Variants in PKN3 observed in about 807,000 individuals in gnomAD.
PKN3 encodes the protein protein kinase N3.
Under a neutral mutation model 113.1 loss-of-function variants are expected in PKN3, and 91 were observed. The ratio of observed to expected loss-of-function variants is 0.80; its 90% CI spans 0.68 to 0.96. PKN3 has a LOEUF of 0.96. Among genes scored for constraint, PKN3 ranks in the 40% least tolerant of loss-of-function variants. PKN3 has a pLI of 0.00. For missense variants in PKN3, 1,052 were observed against 1,202.2 expected, an observed-to-expected ratio of 0.88 and a Z score of 1.85; for synonymous variants, 467 against 499.0, an observed-to-expected ratio of 0.94 and a Z score of 0.85.
At position 128,715,454 on chromosome 9, in the gene PKN3, TAGAG is replaced by T. The variant is rs748379167; in HGVS notation, c.1805_1808del (p.Glu602AlafsTer36). On this transcript the variant is annotated frameshift_variant and splice_region_variant, in exon 15 of 22. Transcript: ENST00000291906. LOFTEE classifies it high-confidence loss of function. This position sits in a 1 kb window ranked among gnomAD's most constrained non-coding sequence, Gnocchi z 4.1. The stretch of plus-strand genomic sequence containing the variant: ...CAGGAGGTGCTCAGCCGGGACGAGA[TAGAG>T]AGGTGTGTGGGGGTGCCGCAGGGCA... The T allele has an allele frequency of 3.1e-6, 5 of 1,613,096 alleles. No homozygotes were observed. The highest frequency in any genetic ancestry group is 1.7e-5 in the Admixed American group (1 of 59,994).
chr9:128,717,086 G>A (rs1862361031), intron 16 of PKN3, among the ~76,000 whole-genome samples, 163 bp downstream of exon 16: 1 of 132,304 alleles, frequency 7.6e-6, no homozygotes, highest in Admixed American at 8.8e-5. Context: ...GTGATCCTGG[G>A]TATCAGCTTA....
intron 6 of PKN3, among the ~76,000 whole-genome samples, chr9:128,709,250 C>T (rs1033387055): frequency 1.3e-5 from 2 of 149,946 alleles, no homozygotes; most frequent in African/African-American, 4.9e-5. Context: ...CGCACCACTG[C>T]ACTCCAGCCT....
chr9:128,709,472 C>T (rs1329764654), intron 6 of PKN3, among the ~76,000 whole-genome samples: 2 of 149,376 alleles, frequency 1.3e-5, no homozygotes, highest in Admixed American at 6.7e-5. Context: ...AAAAATTAGG[C>T]TGGGCACGGC....
chr9:128,707,513 C>A, intron 6 of PKN3, 108 bp downstream of exon 6: 1 of 904,606 alleles, frequency 1.1e-6, no homozygotes, highest in Non-Finnish European at 1.6e-6. Flanking sequence ...TGCCCCAGCA[C>A]CCACTAGCAG....
chr9:128,702,971 G>T (rs1861898450), intron 1 of PKN3, 32 bp downstream of exon 1: 1 of 1,370,582 alleles, frequency 7.3e-7, no homozygotes, highest in African/African-American at 1.5e-5. Flanking sequence ...CGCGGGCCCG[G>T]GGGGTGCGAG....
intron 16 of PKN3, among the ~76,000 whole-genome samples, chr9:128,717,279 C>T (rs1189744489): frequency 6.6e-6 from 1 of 150,540 alleles, no homozygotes; most frequent in Non-Finnish European, 1.5e-5. Context: ...CAGGCATGCA[C>T]CACCACTCCT....
chr9:128,705,555 G>C lies in PKN3; in HGVS notation c.265+12G>C, dbSNP rs1468713606. On this transcript the variant is annotated intron_variant, in intron 2 of 21. Transcript: ENST00000291906. ...GCCTGGCCCAGCTGGTGAGTGAGGA[G>C]CTGAGACCCCCTCAGGACAGAAGGC... 2.6e-6 allele frequency: 4 copies of C among 1,553,580 alleles called. No individual in the cohort carries two copies. The African/African-American group carries it at 5.5e-5, about 21-fold the overall frequency.
chr9:128,703,703 C>T (rs1861921885), intron 1 of PKN3: 1 of 985,264 alleles, frequency 1.0e-6, no homozygotes, highest in African/African-American at 1.7e-5. Flanking sequence ...CAACCCAGGG[C>T]AGACGGGACC....
chr9:128,706,008 A>T, intron 3 of PKN3, 129 bp downstream of exon 3: 1 of 962,410 alleles, frequency 1.0e-6, no homozygotes, highest in South Asian at 1.7e-5. Context: ...TACAGCCCCA[A>T]ACCCCAGCTG....
intron 15 of PKN3, among the ~76,000 whole-genome samples, chr9:128,716,304 A>G (rs1255044813): frequency 1.3e-5 from 2 of 151,710 alleles, no homozygotes; most frequent in Non-Finnish European, 2.9e-5. Flanking sequence ...TCTCAAAAAA[A>G]AAAAAAAAAA....
In PKN3 at chr9:128,714,333, A is replaced by G. The variant is rs1210339221; in HGVS notation, c.1449A>G (p.Thr483=). 2 of 1,606,694 alleles carry G rather than the reference A, an allele frequency of 1.2e-6. No homozygotes were observed. The highest frequency in any genetic ancestry group is 1.7e-4 in the Middle Eastern group (1 of 5,994). Reference sequence around the variant, plus strand: ...AAGGATGCCCTCGGACCCCAACAACACTGCGAGAGGCCTCTGACCCTGCCA... The same window carrying G: ...AAGGATGCCCTCGGACCCCAACAACGCTGCGAGAGGCCTCTGACCCTGCCA... The part of the protein sequence containing the change: ...PPKGCPRTPT[T]LREASDPATP... Residue 483 remains threonine (T), a synonymous_variant, in exon 11 of 22, where the codon ACA becomes ACG. Coordinates refer to ENST00000291906, the MANE Select transcript of PKN3 (RefSeq NM_013355.5).
At position 128,702,736 on chromosome 9, in the gene PKN3, G is replaced by T; in HGVS notation, c.-180G>T. The stretch of plus-strand genomic sequence containing the variant: ...GGCGTGGGGTCCCGGGCGCTGGATC[G>T]GCGCGGACGGGAGGCGGCGCTGGTC... On this transcript the variant is annotated 5_prime_UTR_variant, in exon 1 of 22. Transcript: ENST00000291906. 1.9e-6 allele frequency: 1 copy of T among 515,560 alleles called. No homozygotes were observed. The highest frequency in any genetic ancestry group is 2.7e-5 in the South Asian group (1 of 37,638). The allele number at this position is 515,560 out of a possible 1,614,324, so 31.9% of individuals were successfully genotyped here. A position where few individuals can be genotyped will look rare whatever the true frequency, so the allele number is the denominator to read the frequency against.
intron 17 of PKN3, 50 bp downstream of exon 17, chr9:128,718,437 G>T: frequency 6.5e-7 from 1 of 1,537,056 alleles, no homozygotes; most frequent in Non-Finnish European, 9.0e-7. Flanking sequence ...GGTGGGGGTG[G>T]AGTGGGTAAG....
At chr9:128,709,183 G>C (rs1331680416) in intron 6 of PKN3, among the ~76,000 whole-genome samples, 2 of 151,968 alleles carry the variant, frequency 1.3e-5, no homozygotes, top group African/African-American at 4.8e-5. Flanking sequence ...TACTCGGGAG[G>C]CTGAGGCAGG....
chr9:128,705,071 C>T (rs932214101), intron 1 of PKN3, among the ~76,000 whole-genome samples: 2 of 152,218 alleles, frequency 1.3e-5, no homozygotes, highest in African/African-American at 2.4e-5. Context: ...GTCCCCCCCG[C>T]CACATCCTTC....
At chr9:128,704,323 C>T (rs752756109) in intron 1 of PKN3, among the ~76,000 whole-genome samples, 1 of 152,168 alleles carries the variant, frequency 6.6e-6, no homozygotes, top group Non-Finnish European at 1.5e-5. Context: ...AGTGGGCACC[C>T]GGAGACCTCC....
Position 128,720,301 on chromosome 9 carries a change from C to A in PKN3, c.2457+18C>A. On this transcript the variant is annotated intron_variant, in intron 21 of 21. Transcript: ENST00000291906. This position sits in a 1 kb window ranked among gnomAD's most constrained non-coding sequence, Gnocchi z 5.5. The stretch of plus-strand genomic sequence containing the variant: ...TCTTCAGGGTGAGCGGCTGGGGTGG[C>A]GGTGGTCCCCTGTGCCTGGCAGGGT... 6.2e-7 allele frequency: 1 copy of A among 1,612,764 alleles called. No homozygotes were observed.
intron 5 of PKN3, 97 bp downstream of exon 5, chr9:128,707,120 T>TTC (rs1862043175): frequency 6.3e-7 from 1 of 1,591,736 alleles, no homozygotes; most frequent in Non-Finnish European, 8.6e-7. Context: ...AAAGCAGGAC[T>TTC]TCTCTGTTGA....
In PKN3 at chr9:128,705,738, T is replaced by G. The variant is rs776850185; in HGVS notation, c.270T>G (p.Pro90=). Residue 90 remains proline (P), a synonymous_variant, in exon 3 of 22, where the codon CCT becomes CCG. Transcript: ENST00000291906. ...GCTCGATACCCCCGTGCACAGAGCC[T>G]GTGGCCTCAGGACCCCGGCCGTGGG... ...LPGPGPGPAE[P]VASGPRPWAE... 3.7e-6 allele frequency: 6 copies of G among 1,603,970 alleles called. No individual in the cohort carries two copies. The highest frequency in any genetic ancestry group is 5.1e-6 in the Non-Finnish European group (6 of 1,175,632).
Sources: gnomAD v4.1 joint callset for allele counts (sites outside exome capture counted in the v4.1 genomes callset) on GRCh38, gnomAD v4.1.1 for gene constraint, Gnocchi (gnomAD v3.1) non-coding constraint, MANE v1.5 for transcripts, NCBI Gene and HGNC (gene_info 2026-07-23, HGNC 2026-07-21) for gene names.